Variants in C9 observed in about 807,000 individuals in gnomAD.
The protein encoded by C9 is complement component C9.
In C9, 63 loss-of-function variants were observed where a neutral mutation model predicts 65.4. The ratio of observed to expected loss-of-function variants is 0.96; its 90% CI spans 0.79 to 1.19. The LOEUF (loss-of-function observed/expected upper bound fraction) is 1.19, where lower values mean the gene tolerates loss of function less well. C9 is among the 50% of genes most tolerant of loss of function. C9 has a pLI of 0.00. For synonymous variants in C9, 229 were observed against 227.9 expected (o/e 1.00, Z -0.04); for missense variants, 744 against 670.1 (o/e 1.11, Z -1.22).
chr5:39,348,654 A>G (rs933474880), intron 1 of C9, among the ~76,000 whole-genome samples: 1 of 152,194 alleles, frequency 6.6e-6, no homozygotes, highest in Non-Finnish European at 1.5e-5. Flanking sequence ...CATTTGACCC[A>G]GCCATCCCAT....
chr5:39,308,116 T>C (rs1753412456), intron 8 of C9, 114 bp downstream of exon 8: 3 of 983,608 alleles, frequency 3.1e-6, no homozygotes, highest in African/African-American at 1.6e-5. Flanking sequence ...AAATGTAAGA[T>C]AGTTTTTAAG....
chr5:39,324,883 A>T (rs1029986846), intron 5 of C9, among the ~76,000 whole-genome samples: 1 of 151,642 alleles, frequency 6.6e-6, no homozygotes, highest in Non-Finnish European at 1.5e-5. Context: ...ATTCAGAGAG[A>T]GAAGATCAAG....
At chr5:39,294,473 A>G (rs1248012337) in intron 9 of C9, among the ~76,000 whole-genome samples, 1 of 151,910 alleles carries the variant, frequency 6.6e-6, no homozygotes, top group African/African-American at 2.4e-5. Context: ...GAGAAAATGG[A>G]TAAATTTCTA....
intron 1 of C9, among the ~76,000 whole-genome samples, chr5:39,357,480 G>A (rs996592978): frequency 2.0e-5 from 3 of 152,274 alleles, no homozygotes; most frequent in African/African-American, 4.8e-5. Context: ...GGTACATGTC[G>A]GAAATTGTTC....
rs149601326 is a variant in C9 at position 39,340,542 on chromosome 5, T to TC, written c.476+603dup. On this transcript the variant is annotated intron_variant, in intron 4 of 10. Transcript: ENST00000263408. ...ATCCTGAGTTCTAAACTCCAAGACA[T>TC]CCCATCTGAGCTTACAGCCATCTGT... Among the ~76,000 whole-genome samples, 985 of 152,312 alleles carry TC rather than the reference T, an allele frequency of 6.5e-3. 10 individuals are homozygous for TC. Among genetic ancestry groups the TC allele is most frequent in the African/African-American group, 0.022 (928 of 41,564 alleles).
chr5:39,340,375 C>A (rs1329572656), intron 4 of C9, among the ~76,000 whole-genome samples: 1 of 152,160 alleles, frequency 6.6e-6, no homozygotes, highest in Non-Finnish European at 1.5e-5. Flanking sequence ...CCAAAAATAG[C>A]AACAAATCCA....
At chr5:39,323,812 A>C (rs1753704051) in intron 5 of C9, among the ~76,000 whole-genome samples, 1 of 152,074 alleles carries the variant, frequency 6.6e-6, no homozygotes, top group Non-Finnish European at 1.5e-5. Flanking sequence ...GAAGTCTTAG[A>C]GCAATTATGC....
At chr5:39,357,321 T>C (rs868662882) in intron 1 of C9, among the ~76,000 whole-genome samples, 25 of 152,236 alleles carry the variant, frequency 1.6e-4, no homozygotes, top group African/African-American at 6.0e-4. Flanking sequence ...CTTTAGTTCA[T>C]GCAACTCGTC....
At chr5:39,364,317 T>C (rs1275601843) in intron 1 of C9, 71 bp downstream of exon 1, 2 of 830,332 alleles carry the variant, frequency 2.4e-6, no homozygotes, top group African/African-American at 3.3e-5. Context: ...TGTACTTTGC[T>C]GCTAAGAAGA....
intron 1 of C9, among the ~76,000 whole-genome samples, chr5:39,350,044 G>T (rs700216): frequency 0.024 from 3,679 of 152,234 alleles, 156 homozygotes; most frequent in African/African-American, 0.085. Flanking sequence ...ATAAAGAAAA[G>T]AGGTTGATTG....
At position 39,295,810 on chromosome 5, in the gene C9, A is replaced by G. The variant is rs987774601; in HGVS notation, c.1417-6859T>C. Among the ~76,000 whole-genome samples, 5 of 151,846 alleles carry G rather than the reference A, an allele frequency of 3.3e-5. 1 individual carries two copies. In the East Asian group the frequency reaches 9.6e-4, roughly 29 times the overall value. ...ATTACAAAGCTGTAGTAACCAAATCAGCATTGTACTGCCATAAAAACAGGC... is the reference window on the plus strand; with the variant it reads ...ATTACAAAGCTGTAGTAACCAAATCGGCATTGTACTGCCATAAAAACAGGC... On this transcript the variant is annotated intron_variant, in intron 9 of 10. Transcript: ENST00000263408.
chr5:39,338,912 C>G (rs1160773008), intron 4 of C9, among the ~76,000 whole-genome samples: 1 of 152,182 alleles, frequency 6.6e-6, no homozygotes, highest in Non-Finnish European at 1.5e-5. Context: ...TGTTTTTCAG[C>G]TAAATGGGCC....
chr5:39,316,130 C>A, intron 5 of C9, 101 bp from the exon 6 acceptor site: 2 of 1,017,480 alleles, frequency 2.0e-6, no homozygotes, highest in Non-Finnish European at 2.9e-6. Flanking sequence ...CTTTGAAAGG[C>A]AGTAGAACAA....
chr5:39,359,016 A>T (rs200503674), intron 1 of C9, among the ~76,000 whole-genome samples: 402 of 14,032 alleles, frequency 0.029, no homozygotes, highest in African/African-American at 0.081. Flanking sequence ...AATAAATAAA[A>T]AATATATATA....
At chr5:39,329,873 G>A (rs890009791) in intron 5 of C9, among the ~76,000 whole-genome samples, 3 of 152,190 alleles carry the variant, frequency 2.0e-5, no homozygotes, top group Non-Finnish European at 2.9e-5. Flanking sequence ...AGGAGTTAAA[G>A]TAGATATTTC....
At chr5:39,322,031 C>A (rs1277422109) in intron 5 of C9, among the ~76,000 whole-genome samples, 3 of 152,012 alleles carry the variant, frequency 2.0e-5, no homozygotes, top group Non-Finnish European at 4.4e-5. Context: ...AACATTCCAT[C>A]CAAAGTAACA....
At chr5:39,327,940 A>G (rs1753779078) in intron 5 of C9, among the ~76,000 whole-genome samples, 1 of 152,238 alleles carries the variant, frequency 6.6e-6, no homozygotes, top group African/African-American at 2.4e-5. Flanking sequence ...AATAAATGCA[A>G]TGCACATATG....
intron 4 of C9, among the ~76,000 whole-genome samples, chr5:39,334,178 C>G (rs556031871): frequency 5.8e-4 from 88 of 151,682 alleles, no homozygotes; most frequent in African/African-American, 2.1e-3. Context: ...AGCGCCTCTT[C>G]CCGGCCGCCA....
chr5:39,336,094 A>G (rs1331817877), intron 4 of C9, among the ~76,000 whole-genome samples: 2 of 152,176 alleles, frequency 1.3e-5, no homozygotes, highest in African/African-American at 4.8e-5. Flanking sequence ...TAATTATTTT[A>G]CCACTTTAAA....
Sources: gnomAD v4.1 joint callset for allele counts (sites outside exome capture counted in the v4.1 genomes callset) on GRCh38, gnomAD v4.1.1 for gene constraint, MANE v1.5 for transcripts, NCBI Gene and HGNC (gene_info 2026-07-23, HGNC 2026-07-21) for gene names.